ERBB4: variants seen among roughly 807,000 people sequenced by gnomAD.
ERBB4 encodes receptor tyrosine-protein kinase erbB-4.
A neutral mutation model predicts 158.0 loss-of-function variants in ERBB4; 42 were observed. The ratio of observed to expected loss-of-function variants is 0.27; its 90% CI spans 0.21 to 0.34. The LOEUF (loss-of-function observed/expected upper bound fraction) is 0.34, where lower values mean the gene tolerates loss of function less well. ERBB4 is among the 10% of genes least tolerant of loss of function. ERBB4 has a pLI of 1.00. For synonymous variants in ERBB4, 583 were observed against 558.7 expected, an observed-to-expected ratio of 1.04 and a Z score of -0.61; for missense variants, 1,333 against 1,624.1, an observed-to-expected ratio of 0.82 and a Z score of 3.08.
Position 212,438,085 on chromosome 2 carries a change from CTTTG to C in ERBB4, c.82+100360_82+100363del, listed in dbSNP as rs779791264. Among the ~76,000 whole-genome samples the C allele has an allele frequency of 1.8e-3, 278 of 151,964 alleles. 3 individuals are homozygous for C. Among genetic ancestry groups the C allele is most frequent in the Middle Eastern group, 6.8e-3 (2 of 294 alleles). Reference sequence around the variant, plus strand: ...TATGAGGCTAGCCCTATGGTGGCTGCTTTGTTTGTTTGTTTGTTTCTAGACTAGT... The same window carrying C: ...TATGAGGCTAGCCCTATGGTGGCTGCTTTGTTTGTTTGTTTCTAGACTAGT... On this transcript the variant is annotated intron_variant, in intron 1 of 27. Transcript: ENST00000342788.
At chr2:211,513,050 C>G (rs1442286688) in intron 20 of ERBB4, among the ~76,000 whole-genome samples, 1 of 151,892 alleles carries the variant, frequency 6.6e-6, no homozygotes, top group African/African-American at 2.4e-5. Context: ...GGAGATCTAC[C>G]TCTTAGGGTC....
intron 13 of ERBB4, among the ~76,000 whole-genome samples, chr2:211,677,265 C>G: frequency 6.6e-6 from 1 of 152,096 alleles, no homozygotes; most frequent in Non-Finnish European, 1.5e-5. Context: ...CTTTCCAAAA[C>G]TATTGAAAAT....
At chr2:212,420,899 G>A (rs937567879) in intron 1 of ERBB4, among the ~76,000 whole-genome samples, 1 of 152,140 alleles carries the variant, frequency 6.6e-6, no homozygotes, top group African/African-American at 2.4e-5. Context: ...TGAAAGAATG[G>A]CTAGATGAAA....
intron 3 of ERBB4, among the ~76,000 whole-genome samples, chr2:211,891,484 A>C (rs2125005246): frequency 8.7e-6 from 1 of 114,730 alleles, no homozygotes; most frequent in African/African-American, 3.9e-5. Flanking sequence ...CCCTAACATC[A>C]CAATTAAAAG....
intron 2 of ERBB4, among the ~76,000 whole-genome samples, chr2:211,959,119 A>G (rs1020381427): frequency 6.6e-6 from 1 of 152,016 alleles, no homozygotes; most frequent in African/African-American, 2.4e-5. Flanking sequence ...TCATCCATCC[A>G]TCCATCCACC....
chr2:212,320,602 G>A (rs181883824), intron 1 of ERBB4, among the ~76,000 whole-genome samples: 1 of 149,780 alleles, frequency 6.7e-6, no homozygotes, highest in Non-Finnish European at 1.5e-5. Flanking sequence ...TCTGAGGGCA[G>A]GAGTGAAGCT....
intron 1 of ERBB4, among the ~76,000 whole-genome samples, chr2:212,416,749 T>C (rs2091663974): frequency 6.6e-6 from 1 of 152,116 alleles, no homozygotes; most frequent in South Asian, 2.1e-4. Context: ...AATTACTCCC[T>C]TAATGCAGTC....
At chr2:211,884,419 GA>G (rs2078742355) in intron 3 of ERBB4, among the ~76,000 whole-genome samples, 1 of 152,136 alleles carries the variant, frequency 6.6e-6, no homozygotes, top group Admixed American at 6.6e-5. Flanking sequence ...GGAAACGGCA[GA>G]AAAGTAATGT....
At position 211,513,826 on chromosome 2, in the gene ERBB4, T is replaced by C. The variant is rs145686770; in HGVS notation, c.2487+48077A>G. 2.7e-3 allele frequency among the ~76,000 whole-genome samples: 404 copies of C among 152,064 alleles called. 4 individuals are homozygous for C. The highest frequency in any genetic ancestry group is 9.3e-3 in the African/African-American group (387 of 41,452). On this transcript the variant is annotated intron_variant, in intron 20 of 27. Transcript: ENST00000342788. ...GATGAGGATAATAGCTAAGGTTTCT[T>C]TATATTTTTGGGGGGGATTAAAAAA...
chr2:211,674,639 C>T (rs2071982198), intron 13 of ERBB4, among the ~76,000 whole-genome samples: 1 of 152,028 alleles, frequency 6.6e-6, no homozygotes, highest in South Asian at 2.1e-4. Flanking sequence ...TTGCATGCTT[C>T]ACTGACATAA....
intron 1 of ERBB4, among the ~76,000 whole-genome samples, chr2:212,526,694 A>G (rs530703689): frequency 6.6e-6 from 1 of 152,180 alleles, no homozygotes; most frequent in South Asian, 2.1e-4. Flanking sequence ...TACACTCTCT[A>G]TTATTTTAAC....
intron 5 of ERBB4, among the ~76,000 whole-genome samples, chr2:211,728,357 A>C (rs2106143657): frequency 6.6e-6 from 1 of 151,706 alleles, no homozygotes; most frequent in East Asian, 1.9e-4. Flanking sequence ...TATATATATG[A>C]TATGTACCCA....
At chr2:211,532,705 T>C (rs1368246394) in intron 20 of ERBB4, among the ~76,000 whole-genome samples, 1 of 151,706 alleles carries the variant, frequency 6.6e-6, no homozygotes, top group Non-Finnish European at 1.5e-5. Context: ...ACAATAACAA[T>C]AATGAGAAGA....
chr2:212,302,756 G>A (rs1028363457), intron 1 of ERBB4, among the ~76,000 whole-genome samples: 1 of 151,338 alleles, frequency 6.6e-6, no homozygotes, highest in African/African-American at 2.4e-5. Flanking sequence ...GTAATTAGTG[G>A]GATTTTATTT....
chr2:212,147,196 G>C (rs1295704268), intron 1 of ERBB4, among the ~76,000 whole-genome samples: 1 of 92,070 alleles, frequency 1.1e-5, no homozygotes, highest in East Asian at 2.5e-4. Context: ...TGTAGAGATG[G>C]GGTTTTGCCA....
chr2:211,709,320 AGAGT>A (rs143375793), intron 9 of ERBB4, among the ~76,000 whole-genome samples: 4,102 of 145,482 alleles, frequency 0.028, 152 homozygotes, highest in African/African-American at 0.086. Context: ...AGAGAGAGAG[AGAGT>A]AATTTTATAA....
At chr2:212,137,210 T>G (rs2080297738) in intron 1 of ERBB4, among the ~76,000 whole-genome samples, 1 of 152,254 alleles carries the variant, frequency 6.6e-6, no homozygotes, top group African/African-American at 2.4e-5. Context: ...AGGGCACACA[T>G]GCAGGTTTTT....
intron 17 of ERBB4, among the ~76,000 whole-genome samples, chr2:211,625,758 T>A (rs2069820009): frequency 6.6e-6 from 1 of 152,138 alleles, no homozygotes; most frequent in Non-Finnish European, 1.5e-5. Context: ...TATGAATCAT[T>A]TTTAAAAATC....
intron 2 of ERBB4, among the ~76,000 whole-genome samples, chr2:212,113,243 A>G (rs918352516): frequency 6.6e-6 from 1 of 152,146 alleles, no homozygotes; most frequent in Non-Finnish European, 1.5e-5. Context: ...AGAGGAAGAA[A>G]ATTACATGCA....
Sources: allele counts gnomAD v4.1 joint callset (sites outside exome capture counted in the v4.1 genomes callset), GRCh38; gene constraint gnomAD v4.1.1; transcripts MANE v1.5; gene names NCBI Gene and HGNC (gene_info 2026-07-23, HGNC 2026-07-21).